The following UNC79 variants were observed in gnomAD, a reference collection of about 807,000 sequenced individuals.
UNC79 encodes protein unc-79 homolog.
A neutral mutation model predicts 283.1 loss-of-function variants in UNC79; 37 were observed. The ratio of observed to expected loss-of-function variants is 0.13; its 90% CI spans 0.10 to 0.17. UNC79 has a LOEUF of 0.17. Among genes scored for constraint, UNC79 ranks in the 10% least tolerant of loss-of-function variants. The pLI is 1.00. For synonymous variants in UNC79, 1,107 were observed against 1,200.2 expected, an observed-to-expected ratio of 0.92 and a Z score of 1.61; for missense variants, 2,272 against 3,211.1, an observed-to-expected ratio of 0.71 and a Z score of 7.07.
In UNC79 at chr14:93,621,658, A is replaced by G. The variant is rs1210749270; in HGVS notation, c.4425A>G (p.Ala1475=). The G allele has an allele frequency of 1.3e-6, 2 of 1,598,766 alleles. No individual in the cohort carries two copies. Among genetic ancestry groups the G allele is most frequent in the Non-Finnish European group, 1.7e-6 (2 of 1,173,206 alleles). Residue 1475 remains alanine, a synonymous_variant, in exon 30 of 49, where the codon GCA becomes GCG. Coordinates refer to ENST00000555664, the Ensembl canonical transcript of UNC79. The surrounding 1 kb of genome is among the most constrained non-coding windows in gnomAD (Gnocchi z 4.8). The stretch of plus-strand genomic sequence containing the variant: ...TGGCTGAATATAGAGAGACGGGTGC[A>G]TTACAAGACAGCCTTCTCCACTGTG...
downstream of UNC79, chr14:93,706,977 A>C: frequency 1.9e-6 from 3 of 1,555,064 alleles, no homozygotes; most frequent in South Asian, 3.5e-5. Flanking sequence ...AATTTGATCC[A>C]AGCAGGTTGG....
chr14:93,704,570 C>T, intron 47 of UNC79, 55 bp from the exon 51 acceptor site: 3 of 1,596,180 alleles, frequency 1.9e-6, no homozygotes, highest in Non-Finnish European at 2.6e-6. Context: ...ATGAGCGAAG[C>T]TTTGTGGGAG....
At chr14:93,342,160 C>T (rs936390696) in intron 1 of UNC79, among the ~76,000 whole-genome samples, 2 of 152,244 alleles carry the variant, frequency 1.3e-5, no homozygotes, top group African/African-American at 4.8e-5. Flanking sequence ...CATGAGGGCT[C>T]TGCCCCTGCA....
At chr14:93,373,185 G>A (rs571741029) in intron 1 of UNC79, among the ~76,000 whole-genome samples, 1 of 152,280 alleles carries the variant, frequency 6.6e-6, no homozygotes, top group East Asian at 1.9e-4. Flanking sequence ...AAATTTTATA[G>A]CATTGAGTAC....
In UNC79 at chr14:93,690,950, A is replaced by C. The variant is rs2074640992; in HGVS notation, c.7272+647A>C. 1 of 153,232 alleles carries C rather than the reference A, an allele frequency of 6.5e-6. No individual in the cohort carries two copies. The highest frequency in any genetic ancestry group is 1.5e-5 in the Non-Finnish European group (1 of 68,798). 9.5% of individuals were successfully genotyped at this position (153,232 alleles called of 1,614,324 possible). A position where few individuals can be genotyped will look rare whatever the true frequency, so the allele number is the denominator to read the frequency against. On this transcript the variant is annotated intron_variant, in intron 45 of 48. Coordinates refer to ENST00000555664, the Ensembl canonical transcript of UNC79. The surrounding 1 kb of genome is among the most constrained non-coding windows in gnomAD (Gnocchi z 4.3). ...TCACAGAGCTTCGGCAAGTTCTGGG[A>C]GGTCACATTGGTCTTGGGGACAGCT...
chr14:93,582,065 T>C, intron 19 of UNC79, 138 bp from the exon 20 acceptor site: 1 of 1,236,178 alleles, frequency 8.1e-7, no homozygotes, highest in African/African-American at 1.5e-5. Flanking sequence ...TTCTGGGGTG[T>C]GGTGCCTTGG....
chr14:93,417,851 G>A (rs1175474929), intron 1 of UNC79, among the ~76,000 whole-genome samples: 29 of 151,652 alleles, frequency 1.9e-4, no homozygotes, highest in Non-Finnish European at 1.8e-4. Flanking sequence ...CGTAGTTCTC[G>A]AGCCTTGGCT....
chr14:93,465,218 C>A (rs1377612216), intron 1 of UNC79, among the ~76,000 whole-genome samples: 1 of 152,100 alleles, frequency 6.6e-6, no homozygotes, highest in Non-Finnish European at 1.5e-5. Flanking sequence ...TGTCTATATG[C>A]AGGTATATAT....
chr14:93,561,271 T>G (rs2062531250), intron 14 of UNC79, among the ~76,000 whole-genome samples: 1 of 152,078 alleles, frequency 6.6e-6, no homozygotes, highest in Admixed American at 6.6e-5. Flanking sequence ...GAAAAGTAGT[T>G]TTTGTTGTGA....
At chr14:93,477,650 A>G (rs1164888324) in exon 4 of UNC79, 3 of 1,613,526 alleles carry the variant, frequency 1.9e-6, no homozygotes, top group Non-Finnish European at 2.5e-6. Context: ...GATGATATCA[A>G]CGTTGGCTAC....
chr14:93,454,411 T>TTATG (rs990658425), intron 1 of UNC79, among the ~76,000 whole-genome samples: 5 of 152,280 alleles, frequency 3.3e-5, no homozygotes, highest in Admixed American at 3.3e-4. Flanking sequence ...CTAGATGATT[T>TTATG]TATGTATGTA....
intron 5 of UNC79, among the ~76,000 whole-genome samples, chr14:93,493,440 G>A (rs986423102): frequency 1.3e-5 from 2 of 152,162 alleles, no homozygotes; most frequent in African/African-American, 4.8e-5. Flanking sequence ...CCCTGCTGCA[G>A]TTGAGAACGG....
intron 1 of UNC79, among the ~76,000 whole-genome samples, chr14:93,379,706 G>C (rs1180864084): frequency 6.6e-6 from 1 of 151,074 alleles, no homozygotes; most frequent in African/African-American, 2.4e-5. Flanking sequence ...GGGACTGCAG[G>C]GGGAGGGTGG....
chr14:93,574,204 C>T (rs1416263276), intron 16 of UNC79, among the ~76,000 whole-genome samples: 2 of 152,188 alleles, frequency 1.3e-5, no homozygotes, highest in Admixed American at 6.5e-5. Flanking sequence ...TTTGTCCCCC[C>T]CTATAGCTAC....
intron 39 of UNC79, 75 bp downstream of exon 42, chr14:93,659,336 A>G (rs1043945276): frequency 8.3e-7 from 1 of 1,198,062 alleles, no homozygotes; most frequent in African/African-American, 1.5e-5. Context: ...GCTTGTAGCA[A>G]TACTGAAGAC....
chr14:93,686,771 A>G (rs1297623259), intron 43 of UNC79, 110 bp downstream of exon 46: 1 of 1,177,956 alleles, frequency 8.5e-7, no homozygotes, highest in Non-Finnish European at 1.2e-6. Context: ...CAGCCGTGGC[A>G]CTGTTGAATG....
At chr14:93,360,236 T>C (rs942330463) in intron 1 of UNC79, among the ~76,000 whole-genome samples, 2 of 152,110 alleles carry the variant, frequency 1.3e-5, no homozygotes, top group African/African-American at 4.8e-5. Flanking sequence ...AAGGGCTGAA[T>C]AGAAACCATT....
chr14:93,555,947 A>C (rs895686611), intron 14 of UNC79, among the ~76,000 whole-genome samples: 4 of 152,164 alleles, frequency 2.6e-5, no homozygotes, highest in South Asian at 2.1e-4. Context: ...TTAAAGATGT[A>C]AGTTTTTAAA....
intron 8 of UNC79, among the ~76,000 whole-genome samples, chr14:93,527,356 CAG>C (rs1228257009): frequency 5.3e-5 from 8 of 152,204 alleles, no homozygotes; most frequent in African/African-American, 1.7e-4. Flanking sequence ...GTAGTTGTGA[CAG>C]AGACTGTGGC....
Sources: allele counts gnomAD v4.1 joint callset (sites outside exome capture counted in the v4.1 genomes callset), GRCh38; gene constraint gnomAD v4.1.1; non-coding constraint Gnocchi (gnomAD v3.1); transcripts MANE v1.5; gene names NCBI Gene and HGNC (gene_info 2026-07-23, HGNC 2026-07-21).